The following RP1 variants were observed in gnomAD, a reference collection of about 807,000 sequenced individuals.
RP1 encodes oxygen-regulated protein 1.
Under a neutral mutation model 14.8 loss-of-function variants are expected in RP1, and 16 were observed. That is an observed-to-expected ratio of 1.08 (90% CI 0.73 to 1.65). RP1 has a LOEUF of 1.65. Ranked by LOEUF, RP1 falls within the 40% of genes most tolerant of loss-of-function variation. RP1 has a pLI of 0.00. For synonymous variants in RP1, 876 were observed against 883.6 expected (o/e 0.99, Z 0.15); for missense variants, 2,631 against 2,535.0 (o/e 1.04, Z -0.81).
chr8:54,825,189 G>C (rs1161563406), intron 24 of RP1, among the ~76,000 whole-genome samples: 1 of 152,040 alleles, frequency 6.6e-6, no homozygotes, highest in East Asian at 1.9e-4. Context: ...TTGATCTCCC[G>C]ACCTCGTGAT....
intron 7 of RP1, among the ~76,000 whole-genome samples, chr8:54,671,086 C>A (rs79147611): frequency 6.6e-6 from 1 of 152,096 alleles, no homozygotes; most frequent in East Asian, 1.9e-4. Flanking sequence ...TTCTTCTCCA[C>A]TTTTGACAGT....
At chr8:54,633,020 T>C (rs905110823), downstream of RP1, among the ~76,000 whole-genome samples, 1 of 152,130 alleles carries the variant, frequency 6.6e-6, no homozygotes, top group Admixed American at 6.5e-5. Flanking sequence ...TGCTATGCGC[T>C]GCCAAAAGTT....
chr8:54,618,953 G>T (rs1400368899), intron 1 of RP1, among the ~76,000 whole-genome samples: 3 of 152,198 alleles, frequency 2.0e-5, no homozygotes, highest in Admixed American at 6.5e-5. Context: ...GAGCCACCAC[G>T]CCCGGGCCTA....
rs764869545 is a variant in RP1 at position 54,627,363 on chromosome 8, C to T, written c.3481C>T (p.Leu1161Phe). Reference sequence around the variant, plus strand: ...GGCTACCAACAAATCTTCAGAAACACTTGCATTGTTGGAGATTCTAAAGCA... The same window carrying T: ...GGCTACCAACAAATCTTCAGAAACATTTGCATTGTTGGAGATTCTAAAGCA... Reference protein sequence around the residue: ...HKATNKSSETLALLEILKHIA... With the variant: ...HKATNKSSETFALLEILKHIA... The change falls in exon 4 of 4, where the codon CTT becomes TTT. Residue 1161 changes from leucine (L) to phenylalanine (F), a missense_variant. Transcript: ENST00000220676. The T allele has an allele frequency of 3.1e-6, 5 of 1,614,030 alleles. No homozygotes were observed. The highest frequency in any genetic ancestry group is 3.4e-6 in the Non-Finnish European group (4 of 1,179,990).
chr8:54,790,051 C>A (rs956324287), intron 24 of RP1, among the ~76,000 whole-genome samples: 3 of 152,186 alleles, frequency 2.0e-5, no homozygotes, highest in Non-Finnish European at 4.4e-5. Context: ...TAAGTCCAAG[C>A]AGCAGCACTT....
chr8:54,684,882 C>T (rs1807521704), intron 12 of RP1, among the ~76,000 whole-genome samples: 1 of 152,114 alleles, frequency 6.6e-6, no homozygotes, highest in Non-Finnish European at 1.5e-5. Context: ...AGCAAACTAA[C>T]ACAGGAACAG....
At chr8:54,632,131 C>G (rs996002432), downstream of RP1, among the ~76,000 whole-genome samples, 3 of 151,954 alleles carry the variant, frequency 2.0e-5, no homozygotes, top group African/African-American at 7.3e-5. Context: ...TGTGAGCCAC[C>G]GCGCCCAGCC....
chr8:54,799,575 C>T (rs537278159), intron 24 of RP1, among the ~76,000 whole-genome samples: 10 of 152,054 alleles, frequency 6.6e-5, no homozygotes, highest in African/African-American at 2.4e-4. Flanking sequence ...TTCCTGCCTT[C>T]TCAGGATTTA....
chr8:54,849,899 G>A (rs1812019519), intron 25 of RP1, among the ~76,000 whole-genome samples: 1 of 152,134 alleles, frequency 6.6e-6, no homozygotes, highest in African/African-American at 2.4e-5. Context: ...TAACGACATT[G>A]CAAACAAAAG....
intron 1 of RP1, among the ~76,000 whole-genome samples, chr8:54,607,214 G>C (rs1805470312): frequency 6.6e-6 from 1 of 152,092 alleles, no homozygotes; most frequent in Non-Finnish European, 1.5e-5. Flanking sequence ...ACAAACAGAT[G>C]GGGTTTTGGT....
chr8:54,722,276 G>GTGTT (rs1808555228), intron 16 of RP1, among the ~76,000 whole-genome samples: 1 of 131,542 alleles, frequency 7.6e-6, no homozygotes, highest in Non-Finnish European at 1.6e-5. Flanking sequence ...TTTTTTTTTT[G>GTGTT]TGTGTGTGTG....
In RP1 at chr8:54,605,623, A is replaced by G. The variant is rs1805416534; in HGVS notation, c.-12-15332A>G. Among the ~76,000 whole-genome samples, 6 of 152,082 alleles carry G rather than the reference A, an allele frequency of 3.9e-5. No homozygotes were observed. The South Asian group carries it at 1.2e-3, about 32-fold the overall frequency. On this transcript the variant is annotated intron_variant, in intron 1 of 22. Transcript: ENST00000636932. ...AACTTTCTGTCTCGTTGATCTGTCT[A>G]ATGCTGACAGTGGGGTGTTAAAGTC... is the stretch of plus-strand genomic sequence containing the variant.
intron 27 of RP1, among the ~76,000 whole-genome samples, chr8:54,865,279 A>G (rs1812433751): frequency 6.6e-6 from 1 of 152,016 alleles, no homozygotes; most frequent in Admixed American, 6.6e-5. Context: ...TTCTGTGAAT[A>G]ATGACAGTTC....
At chr8:54,579,399 G>T (rs1190704724) in intron 1 of RP1, among the ~76,000 whole-genome samples, 1 of 152,232 alleles carries the variant, frequency 6.6e-6, no homozygotes, top group Non-Finnish European at 1.5e-5. Context: ...AGAGCTGGAA[G>T]TATTAATGAC....
At position 54,753,921 on chromosome 8, in the gene RP1, G is replaced by A. The variant is rs370408020; in HGVS notation, c.2809-882G>A. Among the ~76,000 whole-genome samples, 36 of 152,304 alleles carry A rather than the reference G, an allele frequency of 2.4e-4. No individual in the cohort carries two copies. The South Asian group carries it at 7.2e-3, about 31-fold the overall frequency. ...CTGCTCCTAAGGCCAGGAAGCAGAG[G>A]AAATTGAGGAGGGACAGGGACTTAT... On this transcript the variant is annotated intron_variant, in intron 19 of 22. Coordinates refer to the RP1 transcript ENST00000636932.
Position 54,627,935 on chromosome 8 carries a change from A to C in RP1, c.4053A>C (p.Thr1351=). The C allele has an allele frequency of 6.2e-7, 1 of 1,614,110 alleles. No individual in the cohort carries two copies. Among genetic ancestry groups the C allele is most frequent in the Non-Finnish European group, 8.5e-7 (1 of 1,179,984 alleles). The change falls in exon 4 of 4, where the codon ACA becomes ACC. Residue 1351 remains threonine (T), a synonymous_variant. Transcript: ENST00000220676. ...ACTTTTTAAACTCCAAAGAAAACAC[A>C]TATACTGATAACTTGGATTCAACTG... ...TIDFLNSKEN[T]YTDNLDSTEE...
intron 3 of RP1, among the ~76,000 whole-genome samples, chr8:54,644,894 A>G (rs1277023960): frequency 6.6e-6 from 1 of 152,120 alleles, no homozygotes; most frequent in Non-Finnish European, 1.5e-5. Context: ...TTGGTGTTCC[A>G]TGATTTGTAG....
chr8:54,602,614 T>C (rs572715455), intron 1 of RP1, among the ~76,000 whole-genome samples: 114 of 152,352 alleles, frequency 7.5e-4, no homozygotes, highest in African/African-American at 2.7e-3. Context: ...ATCACTACAC[T>C]GACTTCCACA....
chr8:54,687,262 A>G (rs1157348067), intron 12 of RP1, among the ~76,000 whole-genome samples: 1 of 152,140 alleles, frequency 6.6e-6, no homozygotes, highest in Non-Finnish European at 1.5e-5. Context: ...TTTCTGCCCT[A>G]GTAGTCACAG....
Sources: allele counts gnomAD v4.1 joint callset (sites outside exome capture counted in the v4.1 genomes callset), GRCh38; gene constraint gnomAD v4.1.1; transcripts MANE v1.5; gene names NCBI Gene and HGNC (gene_info 2026-07-23, HGNC 2026-07-21).